The following PCDH15 variants were observed in gnomAD, a reference collection of about 807,000 sequenced individuals.
The protein encoded by PCDH15 is protocadherin related 15.
A neutral mutation model predicts 178.5 loss-of-function variants in PCDH15; 129 were observed. The observed-to-expected ratio is 0.72, with a 90% confidence interval of 0.63 to 0.84. The LOEUF (loss-of-function observed/expected upper bound fraction) is 0.84. Ranked by LOEUF, PCDH15 falls within the 40% of genes least tolerant of loss-of-function variation. PCDH15 has a pLI of 0.00. For synonymous variants in PCDH15, 800 were observed against 732.0 expected (o/e 1.09, Z -1.50); for missense variants, 2,230 against 2,099.9 (o/e 1.06, Z -1.21).
intron 2 of PCDH15, among the ~76,000 whole-genome samples, chr10:54,997,367 A>C (rs2131925045): frequency 6.6e-6 from 1 of 152,326 alleles, no homozygotes; most frequent in Non-Finnish European, 1.5e-5. Flanking sequence ...AAAGAGTACT[A>C]ATAAGTCCAG....
chr10:54,617,159 T>TGCTG (rs67487034), intron 2 of PCDH15, among the ~76,000 whole-genome samples: 18 of 34,522 alleles, frequency 5.2e-4, no homozygotes, highest in African/African-American at 1.4e-3. Context: ...GCCTCCCAAA[T>TGCTG]GCTGGGATTA....
chr10:55,065,328 C>A (rs1429998286), intron 2 of PCDH15, among the ~76,000 whole-genome samples: 1 of 151,882 alleles, frequency 6.6e-6, no homozygotes, highest in Non-Finnish European at 1.5e-5. Context: ...TTCATCTAAC[C>A]AGAAAATGTA....
At chr10:55,120,452 C>G (rs1837737517) in intron 2 of PCDH15, among the ~76,000 whole-genome samples, 1 of 151,908 alleles carries the variant, frequency 6.6e-6, no homozygotes, top group Non-Finnish European at 1.5e-5. Flanking sequence ...ACGTAGTGAT[C>G]TAGAGGGAGT....
chr10:54,649,624 T>C (rs2094208969), intron 2 of PCDH15, among the ~76,000 whole-genome samples: 1 of 152,128 alleles, frequency 6.6e-6, no homozygotes, highest in Admixed American at 6.6e-5. Context: ...TAACCCATGA[T>C]GTGATAAATT....
intron 2 of PCDH15, among the ~76,000 whole-genome samples, chr10:54,943,672 C>T (rs1207308377): frequency 6.6e-6 from 1 of 151,738 alleles, no homozygotes; most frequent in Non-Finnish European, 1.5e-5. Context: ...TGTTTCTCTG[C>T]GACTCAACAT....
chr10:54,384,325 CCTT>C (rs751198354), intron 3 of PCDH15, among the ~76,000 whole-genome samples: 133 of 39,656 alleles, frequency 3.4e-3, no homozygotes, highest in East Asian at 9.9e-3. Context: ...AGATCCCCCC[CCTT>C]TTTTTTTTTT....
intron 3 of PCDH15, among the ~76,000 whole-genome samples, chr10:54,503,371 C>T (rs1481142748): frequency 4.0e-5 from 6 of 148,408 alleles, no homozygotes; most frequent in East Asian, 2.0e-4. Flanking sequence ...ATGTTTAATA[C>T]GACAGCAATT....
Position 53,905,349 on chromosome 10 carries a change from T to C in PCDH15, c.3374-1979A>G, listed in dbSNP as rs1431276461. 9.0e-6 allele frequency: 4 copies of C among 444,370 alleles called. No homozygotes were observed. In the Admixed American group the frequency reaches 9.0e-5, roughly 10 times the overall value. 27.5% of individuals were successfully genotyped at this position (444,370 alleles called of 1,614,324 possible). Reference sequence around the variant, plus strand: ...GTACATTTTTTTCTTTTTCTTGTTTTTTGAGATGGAGTCTCCCTCTGTCGC... The same window carrying C: ...GTACATTTTTTTCTTTTTCTTGTTTCTTGAGATGGAGTCTCCCTCTGTCGC... On this transcript the variant is annotated intron_variant, in intron 25 of 37. Coordinates refer to ENST00000644397, the MANE Select transcript of PCDH15 (RefSeq NM_001384140.1).
chr10:54,054,087 G>C (rs2610863), intron 18 of PCDH15, among the ~76,000 whole-genome samples: 1 of 151,844 alleles, frequency 6.6e-6, no homozygotes, highest in African/African-American at 2.4e-5. Context: ...GCCCTTTCTG[G>C]GGAAGACGAA....
intron 1 of PCDH15, among the ~76,000 whole-genome samples, chr10:54,740,511 A>G (rs1944645172): frequency 6.6e-6 from 1 of 151,970 alleles, no homozygotes; most frequent in Non-Finnish European, 1.5e-5. Flanking sequence ...TGATCCAGCA[A>G]TTCCATTCCT....
intron 2 of PCDH15, among the ~76,000 whole-genome samples, chr10:55,583,101 G>A (rs1005990336): frequency 2.6e-5 from 4 of 151,602 alleles, no homozygotes; most frequent in East Asian, 1.9e-4. Context: ...TATAAAATGC[G>A]GTGCTCTTCT....
chr10:54,431,927 T>C (rs1239435928), intron 3 of PCDH15, among the ~76,000 whole-genome samples: 2 of 151,738 alleles, frequency 1.3e-5, no homozygotes, highest in Non-Finnish European at 1.5e-5. Context: ...ACAAAATCAA[T>C]ATAAAAATAA....
intron 11 of PCDH15, among the ~76,000 whole-genome samples, chr10:54,194,693 T>TCTA (rs1554833338): frequency 9.9e-5 from 15 of 151,538 alleles, no homozygotes; most frequent in African/African-American, 3.6e-4. Flanking sequence ...TCTATCTATA[T>TCTA]CTGTATGTGT....
At chr10:53,924,587 C>G (rs1015976429) in intron 25 of PCDH15, among the ~76,000 whole-genome samples, 2 of 152,246 alleles carry the variant, frequency 1.3e-5, no homozygotes, top group Admixed American at 6.5e-5. Flanking sequence ...GACTGGCGGG[C>G]AGCTCCGCCT....
intron 25 of PCDH15, among the ~76,000 whole-genome samples, chr10:53,936,884 G>A (rs2085625438): frequency 6.6e-6 from 1 of 152,076 alleles, no homozygotes; most frequent in African/African-American, 2.4e-5. Flanking sequence ...CATAATGGTT[G>A]TATTTGCATA....
intron 25 of PCDH15, chr10:53,905,267 T>A: frequency 3.9e-6 from 2 of 516,198 alleles, no homozygotes; most frequent in Non-Finnish European, 7.7e-6. Context: ...AACAAAGACA[T>A]CACAAAATAC....
intron 3 of PCDH15, among the ~76,000 whole-genome samples, chr10:54,820,281 T>C (rs1184580694): frequency 6.6e-6 from 1 of 152,062 alleles, no homozygotes; most frequent in Non-Finnish European, 1.5e-5. Flanking sequence ...CGCTATGTTC[T>C]ACATGAAATG....
intron 3 of PCDH15, among the ~76,000 whole-genome samples, chr10:54,469,210 C>T (rs958487691): frequency 1.3e-5 from 2 of 152,176 alleles, no homozygotes; most frequent in African/African-American, 2.4e-5. Flanking sequence ...TTTTCTCCCA[C>T]CTCTGCCTCC....
intron 26 of PCDH15, among the ~76,000 whole-genome samples, chr10:53,874,223 T>A (rs2080066489): frequency 6.6e-6 from 1 of 152,126 alleles, no homozygotes; most frequent in Admixed American, 6.5e-5. Context: ...CCAAGCCTAC[T>A]CATGAAAGTG....
Sources: allele counts gnomAD v4.1 joint callset (sites outside exome capture counted in the v4.1 genomes callset), GRCh38; gene constraint gnomAD v4.1.1; transcripts MANE v1.5; gene names NCBI Gene and HGNC (gene_info 2026-07-23, HGNC 2026-07-21).